CPS1: variants seen among roughly 807,000 people sequenced by gnomAD.
CPS1 encodes carbamoyl-phosphate synthase [ammonia], mitochondrial.
Under a neutral mutation model 174.6 loss-of-function variants are expected in CPS1, and 109 were observed. The observed-to-expected ratio is 0.62, with a 90% CI of 0.53 to 0.73. CPS1 has a LOEUF of 0.73. Among genes scored for constraint, CPS1 ranks in the 30% least tolerant of loss-of-function variants. The probability of loss-of-function intolerance (pLI) is 0.00; values close to 1 mark genes in which losing one functional copy is unlikely to be tolerated. For synonymous variants in CPS1, 637 were observed against 632.0 expected (o/e 1.01, Z -0.12); for missense variants, 1,689 against 1,821.9 (o/e 0.93, Z 1.33).
intron 1 of CPS1, among the ~76,000 whole-genome samples, chr2:210,551,380 C>T (rs960699486): frequency 2.6e-5 from 4 of 151,970 alleles, no homozygotes; most frequent in Non-Finnish European, 5.9e-5. Flanking sequence ...TGTGTATGCA[C>T]ATAACATTGG....
intron 1 of CPS1, among the ~76,000 whole-genome samples, chr2:210,483,301 T>C (rs1170126696): frequency 6.6e-6 from 1 of 152,176 alleles, no homozygotes; most frequent in Non-Finnish European, 1.5e-5. Flanking sequence ...CCCTTCCTAA[T>C]AACAGCATCT....
At chr2:210,587,395 G>A (rs1698144913) in intron 6 of CPS1, among the ~76,000 whole-genome samples, 1 of 151,936 alleles carries the variant, frequency 6.6e-6, no homozygotes, top group Admixed American at 6.6e-5. Context: ...CTGCTTCTTG[G>A]GTTAATGCCT....
At chr2:210,547,244 G>A (rs1696588753) in intron 1 of CPS1, among the ~76,000 whole-genome samples, 1 of 152,034 alleles carries the variant, frequency 6.6e-6, no homozygotes, top group African/African-American at 2.4e-5. Context: ...TTATTTAAAT[G>A]TAAACATTAT....
chr2:210,555,595 T>C (rs553418563), upstream of CPS1: 260 of 455,378 alleles, frequency 5.7e-4, no homozygotes, highest in Non-Finnish European at 1.0e-3. Flanking sequence ...TTCTATGTTA[T>C]TGAAGCTTAC....
chr2:210,579,224 T>C (rs974831453), intron 4 of CPS1, among the ~76,000 whole-genome samples: 2 of 152,156 alleles, frequency 1.3e-5, no homozygotes, highest in Non-Finnish European at 2.9e-5. Flanking sequence ...TGTGTCTCTA[T>C]CCAACGTAGT....
chr2:210,517,262 A>G (rs561768190), intron 1 of CPS1, among the ~76,000 whole-genome samples: 1 of 152,112 alleles, frequency 6.6e-6, no homozygotes, highest in African/African-American at 2.4e-5. Context: ...AGTTGTATCA[A>G]AGACTAATAT....
intron 1 of CPS1, among the ~76,000 whole-genome samples, chr2:210,523,205 T>C (rs1439451304): frequency 6.6e-6 from 1 of 152,012 alleles, no homozygotes; most frequent in East Asian, 1.9e-4. Flanking sequence ...TCACTGTCTG[T>C]AGAGAGAACC....
chr2:210,538,860 AAAT>A (rs1696327194), intron 1 of CPS1, among the ~76,000 whole-genome samples: 1 of 152,182 alleles, frequency 6.6e-6, no homozygotes, highest in South Asian at 2.1e-4. Flanking sequence ...GAAACATTAC[AAAT>A]AAGTTTAAGA....
At chr2:210,505,648 G>T (rs1214998836) in intron 1 of CPS1, among the ~76,000 whole-genome samples, 3 of 152,160 alleles carry the variant, frequency 2.0e-5, no homozygotes, top group African/African-American at 7.2e-5. Context: ...GCCAGGGAAA[G>T]GGGTGACAGA....
At chr2:210,657,649 T>C (rs577232222) in intron 30 of CPS1, 1 of 152,206 alleles carries the variant, frequency 6.6e-6, no homozygotes, top group South Asian at 2.1e-4. Context: ...GTCCCATTAG[T>C]CTTTAGGTAT....
Position 210,642,523 on chromosome 2 carries a change from T to G in CPS1, c.2999T>G (p.Ile1000Ser). 6.2e-7 allele frequency: 1 copy of G among 1,614,016 alleles called. No individual in the cohort carries two copies. The highest frequency in any genetic ancestry group is 1.3e-5 in the African/African-American group (1 of 75,050). ...VEFDWCAVSSIRTLRQLGKKT... is the reference protein window; with the variant it reads ...VEFDWCAVSSSRTLRQLGKKT... ...TTTGATTGGTGTGCTGTCTCTAGTATCCGCACACTGCGTCAACTTGGCAAG... is the reference window on the plus strand; with the variant it reads ...TTTGATTGGTGTGCTGTCTCTAGTAGCCGCACACTGCGTCAACTTGGCAAG... The change falls in exon 25 of 38, where the codon ATC becomes AGC. Residue 1000 changes from isoleucine to serine, a missense_variant. Transcript: ENST00000233072.
chr2:210,543,982 G>A (rs938259027), intron 1 of CPS1, among the ~76,000 whole-genome samples: 2 of 151,968 alleles, frequency 1.3e-5, no homozygotes, highest in Non-Finnish European at 2.9e-5. Context: ...TGTTCCTTTG[G>A]TGCTCTCTTC....
chr2:210,667,123 CTGTT>C (rs541206618), intron 33 of CPS1, among the ~76,000 whole-genome samples: 3,851 of 152,210 alleles, frequency 0.025, 83 homozygotes, highest in Admixed American at 0.045. Context: ...ATTTGGCTCT[CTGTT>C]TGTCTGTTAT....
intron 1 of CPS1, among the ~76,000 whole-genome samples, chr2:210,526,747 AG>A (rs1695982153): frequency 6.6e-6 from 1 of 151,976 alleles, no homozygotes; most frequent in African/African-American, 2.4e-5. Context: ...GAGAGAATGA[AG>A]CTGAATTAAG....
chr2:210,641,552 G>A (rs1700225017), intron 24 of CPS1, among the ~76,000 whole-genome samples: 1 of 152,150 alleles, frequency 6.6e-6, no homozygotes, highest in African/African-American at 2.4e-5. Context: ...ATGGATTTCA[G>A]GAGACACGTT....
At chr2:210,517,326 T>G (rs982033966) in intron 1 of CPS1, among the ~76,000 whole-genome samples, 9 of 152,112 alleles carry the variant, frequency 5.9e-5, no homozygotes, top group African/African-American at 2.2e-4. Flanking sequence ...ACCAGAGAGC[T>G]AGCACAGGCA....
intron 21 of CPS1, among the ~76,000 whole-genome samples, chr2:210,621,445 G>A (rs1218596144): frequency 6.6e-6 from 1 of 152,058 alleles, no homozygotes; most frequent in Non-Finnish European, 1.5e-5. Context: ...CATAATCTCT[G>A]TCCATTAGCT....
intron 1 of CPS1, among the ~76,000 whole-genome samples, chr2:210,515,029 C>T (rs1559057418): frequency 6.6e-6 from 1 of 151,714 alleles, no homozygotes; most frequent in Admixed American, 6.6e-5. Flanking sequence ...ATGAACTTTA[C>T]ACCCTAGGAA....
intron 1 of CPS1, among the ~76,000 whole-genome samples, chr2:210,518,429 G>A (rs1439151860): frequency 1.3e-5 from 2 of 152,032 alleles, no homozygotes; most frequent in African/African-American, 2.4e-5. Context: ...GTAGATAGAT[G>A]TGGCCATTTA....
Sources: gnomAD v4.1 joint callset for allele counts (sites outside exome capture counted in the v4.1 genomes callset) on GRCh38, gnomAD v4.1.1 for gene constraint, MANE v1.5 for transcripts, NCBI Gene and HGNC (gene_info 2026-07-23, HGNC 2026-07-21) for gene names.